The following MTCL1 variants were observed in gnomAD, a reference collection of about 807,000 sequenced individuals.
The protein encoded by MTCL1 is microtubule cross-linking factor 1.
Under a neutral mutation model 141.4 loss-of-function variants are expected in MTCL1, and 79 were observed. That is an observed-to-expected ratio of 0.56 (90% CI 0.47 to 0.67). MTCL1 has a LOEUF of 0.67. MTCL1 is among the 30% of genes least tolerant of loss of function. The probability of loss-of-function intolerance (pLI) is 0.00; values close to 1 mark genes in which losing one functional copy is unlikely to be tolerated. For missense variants in MTCL1, 2,177 were observed against 2,113.9 expected (o/e 1.03, Z -0.59); for synonymous variants, 914 against 875.8 (o/e 1.04, Z -0.77).
At chr18:8,714,551 C>T (rs563485287), upstream of MTCL1, among the ~76,000 whole-genome samples, 4 of 152,200 alleles carry the variant, frequency 2.6e-5, no homozygotes, top group East Asian at 1.9e-4. Flanking sequence ...AAAGGAGGAG[C>T]AAAGACACAT....
chr18:8,716,569 A>ATTTTTTTTTTTTTTT (rs138840096), upstream of MTCL1, among the ~76,000 whole-genome samples: 5 of 103,894 alleles, frequency 4.8e-5, no homozygotes, highest in Non-Finnish European at 7.5e-5. Flanking sequence ...CTTTTTGTTC[A>ATTTTTTTTTTTTTTT]TTTTTTTTTT....
intron 4 of MTCL1, among the ~76,000 whole-genome samples, chr18:8,771,025 A>AGGG: frequency 6.6e-6 from 1 of 152,306 alleles, no homozygotes; most frequent in South Asian, 2.1e-4. Flanking sequence ...AACAGGAGGA[A>AGGG]GGGGGAGGAG....
chr18:8,756,225 C>T lies in MTCL1; in HGVS notation c.358-21608C>T, dbSNP rs139977553. Reference sequence around the variant, plus strand: ...CAGGGCCTTTCTGGAGGTCGTCAGACCATGCGGTGACTTCTAACCCATGTC... The same window carrying T: ...CAGGGCCTTTCTGGAGGTCGTCAGATCATGCGGTGACTTCTAACCCATGTC... On this transcript the variant is annotated intron_variant, in intron 4 of 16. Coordinates refer to ENST00000359865, the Ensembl canonical transcript of MTCL1. 2.4e-4 allele frequency among the ~76,000 whole-genome samples: 36 copies of T among 152,270 alleles called. No homozygotes were observed. The East Asian group carries it at 6.4e-3, about 27-fold the overall frequency.
rs568770729 is a variant in MTCL1, at chr18:8,815,190, G to C, written c.2859+1957G>C. Among the ~76,000 whole-genome samples, 17 of 152,194 alleles carry C rather than the reference G, an allele frequency of 1.1e-4. No individual in the cohort carries two copies. The South Asian group carries it at 2.7e-3, about 24-fold the overall frequency. On this transcript the variant is annotated intron_variant, in intron 12 of 16. Coordinates refer to ENST00000359865, the Ensembl canonical transcript of MTCL1. ...ATGCACACGTATGTTTATTGCGGCA[G>C]TATTCACAATAGCAGAGACTTGGAA...
intron 10 of MTCL1, 116 bp downstream of exon 9, chr18:8,798,407 C>A: frequency 1.2e-6 from 1 of 850,518 alleles, no homozygotes; most frequent in Non-Finnish European, 1.7e-6. Context: ...AAAATTCCAC[C>A]GCCTGACTGC....
intron 4 of MTCL1, among the ~76,000 whole-genome samples, chr18:8,748,441 G>A (rs1030652049): frequency 6.6e-6 from 1 of 152,124 alleles, no homozygotes; most frequent in Non-Finnish European, 1.5e-5. Flanking sequence ...TACTTGGGAG[G>A]CTGAGATGGG....
At chr18:8,729,951 T>C (rs975396348) in intron 4 of MTCL1, among the ~76,000 whole-genome samples, 1 of 152,138 alleles carries the variant, frequency 6.6e-6, no homozygotes, top group Non-Finnish European at 1.5e-5. Flanking sequence ...TGTATGTCTG[T>C]GATCCATTTT....
At position 8,744,138 on chromosome 18, in the gene MTCL1, T is replaced by A. The variant is rs1167938835; in HGVS notation, c.357+23642T>A. Among the ~76,000 whole-genome samples the A allele has an allele frequency of 1.3e-5, 2 of 152,226 alleles. 1 individual carries two copies. The highest frequency in any genetic ancestry group is 6.3e-3 in the Middle Eastern group (2 of 316). Reference sequence around the variant, plus strand: ...GCAAACCTGCCCTAGGTCCCATAGCTAGCAAATGACAGAGAGCTGAGTCTC... The same window carrying A: ...GCAAACCTGCCCTAGGTCCCATAGCAAGCAAATGACAGAGAGCTGAGTCTC... On this transcript the variant is annotated intron_variant, in intron 4 of 16. Transcript: ENST00000359865.
chr18:8,818,835 C>A, intron 12 of MTCL1, 128 bp from the exon 12 acceptor site: 1 of 945,808 alleles, frequency 1.1e-6, no homozygotes, highest in Admixed American at 2.4e-5. Flanking sequence ...ACTTTAAGAA[C>A]ATTTGCTTCT....
chr18:8,756,674 GA>G (rs2096403478), intron 4 of MTCL1, among the ~76,000 whole-genome samples: 1 of 152,088 alleles, frequency 6.6e-6, no homozygotes, highest in South Asian at 2.1e-4. Context: ...AGGTGAGGAA[GA>G]AAGGAAAAAT....
At chr18:8,825,233 C>A in exon 15 of MTCL1, 1 of 1,596,928 alleles carries the variant, frequency 6.3e-7, no homozygotes. Context: ...GGCCTTGCAC[C>A]TCCCCCAGGC....
intron 1 of MTCL1, among the ~76,000 whole-genome samples, chr18:8,708,188 C>T (rs767769426): frequency 7.2e-5 from 11 of 152,206 alleles, no homozygotes; most frequent in Non-Finnish European, 1.6e-4. Context: ...GTATCCCTGG[C>T]TCTTAGCATA....
chr18:8,705,912 G>A lies in MTCL1; in HGVS notation c.252G>A (p.Ala84=). The A allele has an allele frequency of 9.2e-7, 1 of 1,086,306 alleles. No homozygotes were observed. The highest frequency in any genetic ancestry group is 1.1e-6 in the Non-Finnish European group (1 of 896,416). 67.3% of individuals were successfully genotyped at this position (1,086,306 alleles called of 1,614,324 possible). A position where few individuals can be genotyped will look rare whatever the true frequency, so the allele number is the denominator to read the frequency against. ...GCTCGCCCAACCTCGCGGGCAAAGC[G>A]CCGCCCTCGCCGGGGTCCCTGGCCG... The change falls in exon 1 of 14, where the codon GCG becomes GCA. Residue 84 remains alanine, a synonymous_variant. Coordinates refer to the MTCL1 transcript ENST00000306329. The surrounding 1 kb of genome is among the most constrained non-coding windows in gnomAD (Gnocchi z 5.2).
intron 4 of MTCL1, among the ~76,000 whole-genome samples, chr18:8,775,559 A>T (rs61048896): frequency 0.03 from 4,557 of 152,064 alleles, 115 homozygotes; most frequent in South Asian, 0.056. Context: ...GGCGACAGAG[A>T]AAGATTCCGT....
intron 11 of MTCL1, 136 bp downstream of exon 10, chr18:8,807,196 G>A (rs538027870): frequency 2.1e-6 from 2 of 938,986 alleles, no homozygotes; most frequent in South Asian, 1.8e-5. Context: ...GTGGCTGCTT[G>A]TGTCTCTTCT....
intron 3 of MTCL1, among the ~76,000 whole-genome samples, chr18:8,719,403 A>G (rs757067640): frequency 6.6e-6 from 1 of 152,200 alleles, no homozygotes; most frequent in African/African-American, 2.4e-5. Flanking sequence ...CAGTGTGATA[A>G]AGGGTGATTT....
chr18:8,751,410 A>G (rs1338576855), intron 4 of MTCL1, among the ~76,000 whole-genome samples: 1 of 152,180 alleles, frequency 6.6e-6, no homozygotes, highest in Admixed American at 6.5e-5. Flanking sequence ...TGAGGATGTA[A>G]GTGATGTTGC....
At chr18:8,803,097 C>G (rs1598736711) in intron 10 of MTCL1, among the ~76,000 whole-genome samples, 1 of 151,548 alleles carries the variant, frequency 6.6e-6, no homozygotes, top group Non-Finnish European at 1.5e-5. Context: ...TCATTAATTT[C>G]CCTTGATAGG....
Position 8,814,168 on chromosome 18 carries a change from A to G in MTCL1, c.2859+935A>G, listed in dbSNP as rs369800837. ...ATGGTGCCTGTGTTACGCAGGTACA[A>G]TGACAAAGGTGAGTGTATGCATGTG... On this transcript the variant is annotated intron_variant, in intron 12 of 16. Transcript: ENST00000359865. Among the ~76,000 whole-genome samples the G allele has an allele frequency of 2.0e-5, 3 of 152,332 alleles. No homozygotes were observed. In the East Asian group the frequency reaches 5.8e-4, roughly 29 times the overall value.
Sources: gnomAD v4.1 joint callset for allele counts (sites outside exome capture counted in the v4.1 genomes callset) on GRCh38, gnomAD v4.1.1 for gene constraint, Gnocchi (gnomAD v3.1) non-coding constraint, MANE v1.5 for transcripts, NCBI Gene and HGNC (gene_info 2026-07-23, HGNC 2026-07-21) for gene names.